Variants in GALNTL6 observed in about 807,000 individuals in gnomAD.
GALNTL6 encodes the protein polypeptide N-acetylgalactosaminyltransferase-like 6.
In GALNTL6, 46 loss-of-function variants were observed where a neutral mutation model predicts 73.7. That is an observed-to-expected ratio of 0.62 (90% CI 0.49 to 0.80). The LOEUF (loss-of-function observed/expected upper bound fraction) is 0.80. Among genes scored for constraint, GALNTL6 ranks in the 30% least tolerant of loss-of-function variants. The pLI is 0.00. For missense variants in GALNTL6, 604 were observed against 755.0 expected (o/e 0.80, Z 2.34); for synonymous variants, 259 against 263.7 (o/e 0.98, Z 0.17).
intron 5 of GALNTL6, among the ~76,000 whole-genome samples, chr4:172,367,196 GT>G (rs1395519444): frequency 6.6e-6 from 1 of 152,102 alleles, no homozygotes; most frequent in Non-Finnish European, 1.5e-5. Context: ...GGCATCACGC[GT>G]TTTGATCTCG....
At chr4:172,776,436 G>A (rs1439041526) in intron 5 of GALNTL6, among the ~76,000 whole-genome samples, 1 of 152,204 alleles carries the variant, frequency 6.6e-6, no homozygotes, top group Non-Finnish European at 1.5e-5. Context: ...GTCCAGTGTT[G>A]TGCTGCATTG....
chr4:172,010,088 T>G (rs1425432811), intron 2 of GALNTL6, among the ~76,000 whole-genome samples: 1 of 152,134 alleles, frequency 6.6e-6, no homozygotes, highest in Non-Finnish European at 1.5e-5. Flanking sequence ...TAGTGTATTT[T>G]ATTAACTAGA....
At chr4:172,267,491 A>T (rs1738488206) in intron 3 of GALNTL6, among the ~76,000 whole-genome samples, 1 of 152,136 alleles carries the variant, frequency 6.6e-6, no homozygotes, top group Non-Finnish European at 1.5e-5. Context: ...GGAATAACTT[A>T]AAAGTTTACA....
In GALNTL6 at chr4:172,443,125, T is replaced by C. The variant is rs1396328504; in HGVS notation, c.553+94436T>C. ...TCACCAGTAATGATCCATATACATA[T>C]ATATATATATATATATATATATATA... On this transcript the variant is annotated intron_variant, in intron 5 of 12. Coordinates refer to ENST00000506823, the MANE Select transcript of GALNTL6 (RefSeq NM_001034845.3). Among the ~76,000 whole-genome samples, 3 of 77,988 alleles carry C rather than the reference T, an allele frequency of 3.8e-5. No individual in the cohort carries two copies. In the East Asian group the frequency reaches 9.3e-4, roughly 24 times the overall value. 51.2% of individuals were successfully genotyped at this position (77,988 alleles called of 152,430 possible). A position where few individuals can be genotyped will look rare whatever the true frequency, so the allele number is the denominator to read the frequency against.
chr4:172,266,381 G>A (rs938658865), intron 3 of GALNTL6: 5 of 152,098 alleles, frequency 3.3e-5, no homozygotes, highest in Middle Eastern at 3.2e-3. Flanking sequence ...AGTTACATTG[G>A]TTTTGAATTC....
At chr4:172,238,142 T>C (rs953941528) in intron 3 of GALNTL6, among the ~76,000 whole-genome samples, 5 of 152,118 alleles carry the variant, frequency 3.3e-5, no homozygotes, top group African/African-American at 9.7e-5. Flanking sequence ...GTGAAGAACG[T>C]CATTGGTAGT....
chr4:172,762,013 T>G (rs923962182), intron 5 of GALNTL6, among the ~76,000 whole-genome samples: 24 of 152,346 alleles, frequency 1.6e-4, no homozygotes, highest in African/African-American at 5.8e-4. Flanking sequence ...CACCAGGGAC[T>G]GTAAACTGCG....
chr4:172,289,522 A>C (rs1739387444), intron 3 of GALNTL6, among the ~76,000 whole-genome samples: 1 of 152,210 alleles, frequency 6.6e-6, no homozygotes, highest in African/African-American at 2.4e-5. Context: ...TAATGACAAC[A>C]ATTATTTTGG....
intron 7 of GALNTL6, among the ~76,000 whole-genome samples, chr4:172,845,692 A>C (rs973701294): frequency 1.3e-5 from 2 of 152,206 alleles, no homozygotes; most frequent in African/African-American, 4.8e-5. Context: ...TAATAAAGAA[A>C]TTAAGTGGAC....
chr4:171,850,213 CT>C (rs1220245647), intron 2 of GALNTL6, among the ~76,000 whole-genome samples: 1 of 152,168 alleles, frequency 6.6e-6, no homozygotes, highest in East Asian at 1.9e-4. Context: ...CTCAAGTGAT[CT>C]GCCCACCCCA....
intron 5 of GALNTL6, among the ~76,000 whole-genome samples, chr4:172,354,401 A>G (rs925447783): frequency 6.6e-6 from 1 of 152,170 alleles, no homozygotes; most frequent in Non-Finnish European, 1.5e-5. Flanking sequence ...CAAAGAATGG[A>G]AAGGAGCTAT....
chr4:172,515,776 C>T (rs1734584957), intron 5 of GALNTL6, among the ~76,000 whole-genome samples: 1 of 152,120 alleles, frequency 6.6e-6, no homozygotes, highest in Admixed American at 6.5e-5. Flanking sequence ...GCAAGGAGAG[C>T]CCTCAAACAC....
intron 10 of GALNTL6, among the ~76,000 whole-genome samples, chr4:172,995,098 T>G (rs1468773568): frequency 1.3e-5 from 2 of 152,202 alleles, no homozygotes; most frequent in Admixed American, 6.5e-5. Context: ...TGGCTTTTCA[T>G]GATTGTACTA....
chr4:171,833,690 A>G (rs1735034217), intron 2 of GALNTL6, among the ~76,000 whole-genome samples: 1 of 151,816 alleles, frequency 6.6e-6, no homozygotes, highest in African/African-American at 2.4e-5. Flanking sequence ...CGATTTCTGT[A>G]TTGTTAAATT....
chr4:172,574,391 C>T (rs771766978), intron 5 of GALNTL6, among the ~76,000 whole-genome samples: 17 of 151,296 alleles, frequency 1.1e-4, no homozygotes, highest in Non-Finnish European at 1.9e-4. Context: ...AAATCTCTCT[C>T]CCTTACCCCA....
chr4:172,628,196 G>A (rs1194856600), intron 5 of GALNTL6, among the ~76,000 whole-genome samples: 4 of 151,922 alleles, frequency 2.6e-5, no homozygotes, highest in Admixed American at 2.0e-4. Context: ...TACTTAGTTG[G>A]TTTATTATTA....
At chr4:172,366,541 G>T (rs1578999059) in intron 5 of GALNTL6, among the ~76,000 whole-genome samples, 1 of 152,024 alleles carries the variant, frequency 6.6e-6, no homozygotes, top group Non-Finnish European at 1.5e-5. Flanking sequence ...CTTATGAAAG[G>T]TCTCCTCAAA....
At chr4:172,960,358 GA>G (rs1561057110) in intron 10 of GALNTL6, among the ~76,000 whole-genome samples, 1 of 152,216 alleles carries the variant, frequency 6.6e-6, no homozygotes, top group Non-Finnish European at 1.5e-5. Context: ...GTCACGGAAC[GA>G]AACTGTAAGC....
rs145571518 is a variant in GALNTL6, at chr4:172,169,579, C to T, written c.139-60077C>T. On this transcript the variant is annotated intron_variant, in intron 2 of 12. Transcript: ENST00000506823. ...TTCACTTTTGGGTTTTTTTTAAAGG[C>T]CTTGATAATATTTCAGGATAGAAAG... is the stretch of plus-strand genomic sequence containing the variant. Among the ~76,000 whole-genome samples, 25 of 151,640 alleles carry T rather than the reference C, an allele frequency of 1.6e-4. No individual in the cohort carries two copies. In the East Asian group the frequency reaches 4.7e-3, roughly 28 times the overall value.
Sources: allele counts gnomAD v4.1 joint callset (sites outside exome capture counted in the v4.1 genomes callset), GRCh38; gene constraint gnomAD v4.1.1; transcripts MANE v1.5; gene names NCBI Gene and HGNC (gene_info 2026-07-23, HGNC 2026-07-21).